The following RXFP1 variants were observed in gnomAD, a reference collection of about 807,000 sequenced individuals.
RXFP1 encodes the protein relaxin receptor 1.
RXFP1 carries 73 observed loss-of-function variants against 89.8 expected under a neutral mutation model. That is an observed-to-expected ratio of 0.81 (90% CI 0.67 to 0.99). The LOEUF is 0.99. Ranked by LOEUF, RXFP1 falls within the 50% of genes least tolerant of loss-of-function variation. The pLI is 0.00. For synonymous variants in RXFP1, 277 were observed against 305.5 expected (o/e 0.91, Z 0.97); for missense variants, 793 against 895.5 (o/e 0.89, Z 1.46).
rs79993596 is a variant in RXFP1 at position 158,562,693 on chromosome 4, C to T, written c.50-10005C>T. On this transcript the variant is annotated intron_variant, in intron 1 of 17. Coordinates refer to ENST00000307765, the MANE Select transcript of RXFP1 (RefSeq NM_021634.4). ...GTTTCCTATAACTGGGATGATTCCACCTGAAGCTTTTGTTAAAGGAACCCC... is the reference window on the plus strand; with the variant it reads ...GTTTCCTATAACTGGGATGATTCCATCTGAAGCTTTTGTTAAAGGAACCCC... Among the ~76,000 whole-genome samples the T allele has an allele frequency of 9.9e-3, 1,498 of 151,982 alleles. 24 individuals carry two copies. The highest frequency in any genetic ancestry group is 0.033 in the African/African-American group (1,386 of 41,432).
intron 1 of RXFP1, among the ~76,000 whole-genome samples, chr4:158,568,011 C>T (rs895164330): frequency 6.6e-6 from 1 of 152,194 alleles, no homozygotes; most frequent in Non-Finnish European, 1.5e-5. Flanking sequence ...AGGTATAAAG[C>T]TTCACTCCTG....
intron 9 of RXFP1, among the ~76,000 whole-genome samples, chr4:158,626,561 T>C (rs1766876682): frequency 6.6e-6 from 1 of 152,124 alleles, no homozygotes; most frequent in Non-Finnish European, 1.5e-5. Context: ...TTCTTTTCAA[T>C]TTCTCATATA....
chr4:158,648,483 T>C lies in RXFP1; in HGVS notation c.1757-16T>C. 1 of 1,456,086 alleles carries C rather than the reference T, an allele frequency of 6.9e-7. No homozygotes were observed. Among genetic ancestry groups the C allele is most frequent in the Non-Finnish European group, 9.5e-7 (1 of 1,053,326 alleles). 90.2% of individuals were successfully genotyped at this position (1,456,086 alleles called of 1,614,324 possible). A position where few individuals can be genotyped will look rare whatever the true frequency, so the allele number is the denominator to read the frequency against. ...ATATTTCTATGCATTAATAATACTG[T>C]TTGTATTCCAAATAGGTATTAATTT... On this transcript the variant is annotated splice_polypyrimidine_tract_variant and intron_variant, in intron 16 of 17. Coordinates refer to ENST00000307765, the MANE Select transcript of RXFP1 (RefSeq NM_021634.4).
intron 1 of RXFP1, among the ~76,000 whole-genome samples, chr4:158,548,797 G>A (rs1579516645): frequency 6.6e-6 from 1 of 152,330 alleles, no homozygotes; most frequent in South Asian, 2.1e-4. Context: ...CTTCTGGCTT[G>A]TAGAGTTTCT....
chr4:158,588,996 G>A (rs1758838331), intron 2 of RXFP1, among the ~76,000 whole-genome samples: 1 of 152,206 alleles, frequency 6.6e-6, no homozygotes, highest in Non-Finnish European at 1.5e-5. Flanking sequence ...ACGAGACTGA[G>A]TGATTTATAA....
intron 1 of RXFP1, among the ~76,000 whole-genome samples, chr4:158,547,651 C>T (rs1748845679): frequency 6.6e-6 from 1 of 151,978 alleles, no homozygotes; most frequent in Non-Finnish European, 1.5e-5. Flanking sequence ...TATGTTGTGT[C>T]TTTGTTCTCG....
At position 158,542,079 on chromosome 4, in the gene RXFP1, C is replaced by CCATATA. The variant is rs56378897; in HGVS notation, c.49+20054_49+20055insCATATA. The stretch of plus-strand genomic sequence containing the variant: ...GGACTACAGGCAGGCGCCACCATGG[C>CCATATA]TATATATATATATATATATATATAT... On this transcript the variant is annotated intron_variant, in intron 1 of 17. Coordinates refer to ENST00000307765, the MANE Select transcript of RXFP1 (RefSeq NM_021634.4). Among the ~76,000 whole-genome samples the CCATATA allele has an allele frequency of 3.7e-3, 111 of 29,796 alleles. 25 individuals are homozygous for CCATATA. Among genetic ancestry groups the CCATATA allele is most frequent in the South Asian group, 5.5e-3 (4 of 722 alleles). 19.5% of individuals were successfully genotyped at this position (29,796 alleles called of 152,430 possible). A position where few individuals can be genotyped will look rare whatever the true frequency, so the allele number is the denominator to read the frequency against.
intron 1 of RXFP1, among the ~76,000 whole-genome samples, chr4:158,537,413 G>A (rs1243288315): frequency 6.6e-6 from 1 of 151,786 alleles, no homozygotes; most frequent in African/African-American, 2.4e-5. Context: ...GTAGGTAAAG[G>A]GCTTATGTCC....
intron 1 of RXFP1, among the ~76,000 whole-genome samples, chr4:158,545,369 G>A (rs1413514127): frequency 6.6e-6 from 1 of 152,080 alleles, no homozygotes; most frequent in Non-Finnish European, 1.5e-5. Flanking sequence ...AGATAGGTAG[G>A]TTGCTAAAAT....
intron 1 of RXFP1, among the ~76,000 whole-genome samples, chr4:158,545,756 C>T (rs956603697): frequency 1.6e-4 from 24 of 152,178 alleles, no homozygotes; most frequent in African/African-American, 4.6e-4. Context: ...GATCAGATGG[C>T]TGTAGATATG....
intron 14 of RXFP1, among the ~76,000 whole-genome samples, chr4:158,644,044 T>G (rs1286302068): frequency 1.7e-4 from 1 of 6,048 alleles, no homozygotes; most frequent in African/African-American, 1.9e-4. Flanking sequence ...ATGTCTTCTT[T>G]TTTTTTTTTT....
In RXFP1 at chr4:158,650,036, A is replaced by G. The variant is rs116227854; in HGVS notation, c.1975+1319A>G. Among the ~76,000 whole-genome samples the G allele has an allele frequency of 5.3e-3, 811 of 152,382 alleles. 7 individuals are homozygous for G. The highest frequency in any genetic ancestry group is 0.018 in the African/African-American group (741 of 41,594). On this transcript the variant is annotated intron_variant, in intron 17 of 17. Transcript: ENST00000307765. ...GATAAACAAAATGTGGTACATACGCACAATGGATTAGTATTTAGTCTTGTA... is the reference window on the plus strand; with the variant it reads ...GATAAACAAAATGTGGTACATACGCGCAATGGATTAGTATTTAGTCTTGTA...
chr4:158,538,098 T>C (rs1370055200), intron 1 of RXFP1, among the ~76,000 whole-genome samples: 1 of 152,156 alleles, frequency 6.6e-6, no homozygotes, highest in Non-Finnish European at 1.5e-5. Flanking sequence ...GGAAGAAATG[T>C]GGAAAGAAAC....
intron 9 of RXFP1, among the ~76,000 whole-genome samples, chr4:158,620,486 A>G (rs1580127452): frequency 1.3e-5 from 2 of 152,166 alleles, no homozygotes; most frequent in Non-Finnish European, 2.9e-5. Flanking sequence ...GCAGAAGTCA[A>G]GAAAAACTAG....
intron 1 of RXFP1, among the ~76,000 whole-genome samples, chr4:158,552,472 C>A (rs1750356382): frequency 6.6e-6 from 1 of 152,054 alleles, no homozygotes; most frequent in African/African-American, 2.4e-5. Flanking sequence ...TTATCCTAGA[C>A]CCTCAAAAAC....
At chr4:158,564,432 G>T (rs1753130713) in intron 1 of RXFP1, among the ~76,000 whole-genome samples, 1 of 152,326 alleles carries the variant, frequency 6.6e-6, no homozygotes, top group African/African-American at 2.4e-5. Flanking sequence ...GCTGAGGGCA[G>T]ATCCAAACCT....
rs979594167 is a variant in RXFP1, at chr4:158,642,026, G to A, written c.1115+2695G>A. On this transcript the variant is annotated intron_variant, in intron 14 of 17. Transcript: ENST00000307765. ...GTCACTCAACAAATATTTATTGAAC[G>A]CTTTATTATGTACCAAAATCTAGTG... 7.2e-5 allele frequency among the ~76,000 whole-genome samples: 11 copies of A among 152,138 alleles called. No homozygotes were observed. In the South Asian group the frequency reaches 1.9e-3, roughly 26 times the overall value.
chr4:158,646,047 T>C (rs1771478396), intron 15 of RXFP1, among the ~76,000 whole-genome samples: 1 of 152,184 alleles, frequency 6.6e-6, no homozygotes, highest in Non-Finnish European at 1.5e-5. Flanking sequence ...AGGGATTTTG[T>C]GTAGAATGCT....
chr4:158,545,400 G>T (rs1212819658), intron 1 of RXFP1, among the ~76,000 whole-genome samples: 1 of 152,144 alleles, frequency 6.6e-6, no homozygotes, highest in Non-Finnish European at 1.5e-5. Flanking sequence ...TTTGTAGGTT[G>T]TCTGTTCACT....
Sources: allele counts gnomAD v4.1 joint callset (sites outside exome capture counted in the v4.1 genomes callset), GRCh38; gene constraint gnomAD v4.1.1; transcripts MANE v1.5; gene names NCBI Gene and HGNC (gene_info 2026-07-23, HGNC 2026-07-21).